The following ATG10 variants were observed in gnomAD, a reference collection of about 807,000 sequenced individuals.
ATG10 encodes the protein autophagy related 10.
In ATG10, 30 loss-of-function variants were observed where a neutral mutation model predicts 32.1. The ratio of observed to expected loss-of-function variants is 0.94; its 90% CI spans 0.70 to 1.27. The LOEUF is 1.27. Ranked by LOEUF, ATG10 falls within the 50% of genes most tolerant of loss-of-function variation. The pLI is 0.00. For synonymous variants in ATG10, 87 were observed against 91.5 expected (o/e 0.95, Z 0.28); for missense variants, 233 against 262.3 (o/e 0.89, Z 0.77).
chr5:82,254,546 C>T lies in ATG10; in HGVS notation c.*483C>T, dbSNP rs532423823. On this transcript the variant is annotated 3_prime_UTR_variant, in exon 8 of 8. Coordinates refer to ENST00000282185, the MANE Select transcript of ATG10 (RefSeq NM_031482.5). ...TGCAGTCCAGCCTGGGTGACAGAGC[C>T]AGACACTGTCTCGGGGAAAAAAAAA... 1.8e-4 allele frequency: 23 copies of T among 126,406 alleles called. 1 individual carries two copies. Among genetic ancestry groups the T allele is most frequent in the Admixed American group, 5.1e-4 (6 of 11,868 alleles). The allele number at this position is 126,406 out of a possible 1,614,324, so 7.8% of individuals were successfully genotyped here.
At chr5:82,157,315 G>A (rs1274720644) in intron 3 of ATG10, among the ~76,000 whole-genome samples, 2 of 152,092 alleles carry the variant, frequency 1.3e-5, no homozygotes, top group Non-Finnish European at 2.9e-5. Context: ...TATTATCCTT[G>A]GGATCATCTT....
chr5:82,138,867 CTCCCCCT>C, intron 3 of ATG10, among the ~76,000 whole-genome samples: 1 of 90,426 alleles, frequency 1.1e-5, no homozygotes, highest in Non-Finnish European at 2.2e-5. Flanking sequence ...CCCCCTCCCC[CTCCCCCT>C]CCCCCTCTCC....
At chr5:82,054,247 T>C (rs1240054691) in intron 2 of ATG10, among the ~76,000 whole-genome samples, 1 of 152,174 alleles carries the variant, frequency 6.6e-6, no homozygotes, top group Non-Finnish European at 1.5e-5. Flanking sequence ...ATTGTTAATG[T>C]AGTCAGTTTG....
At chr5:82,181,705 A>T (rs1368052547) in intron 5 of ATG10, among the ~76,000 whole-genome samples, 1 of 152,150 alleles carries the variant, frequency 6.6e-6, no homozygotes, top group Non-Finnish European at 1.5e-5. Flanking sequence ...CTTAAAAACA[A>T]ATGCAGCCTT....
At chr5:82,063,965 C>T (rs1028405793) in intron 3 of ATG10, among the ~76,000 whole-genome samples, 5 of 152,128 alleles carry the variant, frequency 3.3e-5, no homozygotes, top group East Asian at 1.9e-4. Flanking sequence ...TGAACATGTA[C>T]CCTGAACTGA....
chr5:82,136,896 G>A (rs1025412431), intron 3 of ATG10, among the ~76,000 whole-genome samples: 24 of 152,036 alleles, frequency 1.6e-4, no homozygotes, highest in Admixed American at 1.4e-3. Context: ...TTTCTTGGAG[G>A]CTTTGTTCAT....
At chr5:82,217,593 A>C (rs958086720) in intron 5 of ATG10, among the ~76,000 whole-genome samples, 15 of 152,178 alleles carry the variant, frequency 9.9e-5, no homozygotes, top group Non-Finnish European at 2.1e-4. Context: ...ACACACACAC[A>C]CCCATATACA....
chr5:82,146,094 T>C (rs565256513), intron 3 of ATG10, among the ~76,000 whole-genome samples: 1 of 152,298 alleles, frequency 6.6e-6, no homozygotes, highest in East Asian at 1.9e-4. Flanking sequence ...CTATTATTTC[T>C]CTTCAGCTTG....
At chr5:81,988,622 CG>C (rs796089776) in intron 2 of ATG10, among the ~76,000 whole-genome samples, 1 of 151,756 alleles carries the variant, frequency 6.6e-6, no homozygotes, top group African/African-American at 2.4e-5. Context: ...TGAGTAGAGA[CG>C]GGGTTTCACC....
At chr5:81,979,527 CAA>C (rs869262529) in intron 1 of ATG10, among the ~76,000 whole-genome samples, 4 of 148,044 alleles carry the variant, frequency 2.7e-5, no homozygotes, top group African/African-American at 9.8e-5. Flanking sequence ...CACTCCGTCT[CAA>C]AAAAAAAATG....
chr5:82,246,301 C>T (rs1210244398), intron 5 of ATG10, among the ~76,000 whole-genome samples: 1 of 151,926 alleles, frequency 6.6e-6, no homozygotes, highest in Admixed American at 6.6e-5. Context: ...GAACTCCTGG[C>T]CTCAAGTGAT....
intron 1 of ATG10, chr5:81,976,411 T>C (rs1391677726): frequency 6.6e-6 from 1 of 152,034 alleles, no homozygotes; most frequent in Non-Finnish European, 1.5e-5. Context: ...GCTTCCTGTG[T>C]TAAAATAATT....
intron 3 of ATG10, among the ~76,000 whole-genome samples, chr5:82,145,909 G>A (rs960356033): frequency 3.3e-5 from 5 of 152,094 alleles, no homozygotes; most frequent in African/African-American, 1.2e-4. Flanking sequence ...GTTTCACCAT[G>A]TTGGCCAGGC....
intron 3 of ATG10, among the ~76,000 whole-genome samples, chr5:82,130,690 T>C (rs1211312380): frequency 6.6e-6 from 1 of 152,070 alleles, no homozygotes; most frequent in East Asian, 1.9e-4. Context: ...GTCTAACCAG[T>C]CCCAGTGAGA....
chr5:82,193,262 G>C (rs939199765), intron 5 of ATG10, among the ~76,000 whole-genome samples: 4 of 152,190 alleles, frequency 2.6e-5, no homozygotes, highest in Admixed American at 1.3e-4. Flanking sequence ...GATAGTGTCA[G>C]TATTGTACTC....
chr5:81,985,871 TC>T (rs1388847142), intron 1 of ATG10, among the ~76,000 whole-genome samples: 1 of 152,172 alleles, frequency 6.6e-6, no homozygotes, highest in Non-Finnish European at 1.5e-5. Flanking sequence ...CCCGCCATTC[TC>T]CTGCCTCAGC....
At chr5:81,994,738 C>T (rs1243464199) in intron 2 of ATG10, among the ~76,000 whole-genome samples, 1 of 152,184 alleles carries the variant, frequency 6.6e-6, no homozygotes. Context: ...AAGATTCTGT[C>T]TTACTCTAGC....
At chr5:82,015,235 C>A (rs1026776103) in intron 2 of ATG10, among the ~76,000 whole-genome samples, 13 of 152,294 alleles carry the variant, frequency 8.5e-5, no homozygotes, top group African/African-American at 3.1e-4. Context: ...GGTAACCCGA[C>A]CTTTCTGTCT....
intron 2 of ATG10, among the ~76,000 whole-genome samples, chr5:82,050,014 C>G (rs1396400720): frequency 6.6e-6 from 1 of 151,492 alleles, no homozygotes; most frequent in African/African-American, 2.4e-5. Flanking sequence ...AAAATCTTTC[C>G]CTCCTTCTCC....
Sources: gnomAD v4.1 joint callset for allele counts (sites outside exome capture counted in the v4.1 genomes callset) on GRCh38, gnomAD v4.1.1 for gene constraint, MANE v1.5 for transcripts, NCBI Gene and HGNC (gene_info 2026-07-23, HGNC 2026-07-21) for gene names.